The following TCF4 variants were observed in gnomAD, a reference collection of about 807,000 sequenced individuals.
TCF4 encodes the protein SL3-3 enhancer factor 2.
In TCF4, 3 loss-of-function variants were observed where a neutral mutation model predicts 82.1. The observed-to-expected ratio is 0.04, with a 90% CI of 0.02 to 0.09. The LOEUF (loss-of-function observed/expected upper bound fraction) is 0.09, where lower values mean the gene tolerates loss of function less well. Ranked by LOEUF, TCF4 falls within the 10% of genes least tolerant of loss-of-function variation. TCF4 has a pLI of 1.00. For synonymous variants in TCF4, 276 were observed against 309.6 expected, an observed-to-expected ratio of 0.89 and a Z score of 1.14; for missense variants, 518 against 852.7, an observed-to-expected ratio of 0.61 and a Z score of 4.89.
chr18:55,598,867 G>C (rs1397971874), intron 2 of TCF4, among the ~76,000 whole-genome samples: 1 of 152,158 alleles, frequency 6.6e-6, no homozygotes, highest in African/African-American at 2.4e-5. Context: ...TTTATGTCAG[G>C]CTAACTCCCT....
At chr18:55,323,040 T>C (rs1317443435) in intron 8 of TCF4, among the ~76,000 whole-genome samples, 1 of 152,224 alleles carries the variant, frequency 6.6e-6, no homozygotes, top group African/African-American at 2.4e-5. Context: ...AGAATCCTTA[T>C]AGATGGCAAG....
At chr18:55,401,639 C>A (rs1569380526) in intron 6 of TCF4, 2 of 989,162 alleles carry the variant, frequency 2.0e-6, no homozygotes, top group Non-Finnish European at 2.4e-6. Flanking sequence ...GTATTCCCCA[C>A]AAACGGAGAA....
intron 14 of TCF4, 152 bp downstream of exon 14, chr18:55,257,163 G>A (rs2057043395): frequency 2.6e-6 from 2 of 761,134 alleles, no homozygotes; most frequent in Non-Finnish European, 4.5e-6. Flanking sequence ...GCAAGCATAG[G>A]CTAATGACTC....
chr18:55,395,211 C>T (rs1417514787), intron 6 of TCF4, among the ~76,000 whole-genome samples: 1 of 152,196 alleles, frequency 6.6e-6, no homozygotes, highest in Non-Finnish European at 1.5e-5. Flanking sequence ...CTGATCTCTA[C>T]ATGATATGTA....
At chr18:55,435,998 T>G (rs1351714007) in intron 5 of TCF4, among the ~76,000 whole-genome samples, 1 of 152,168 alleles carries the variant, frequency 6.6e-6, no homozygotes, top group African/African-American at 2.4e-5. Context: ...ATCTGAGGAA[T>G]AGACTTAATG....
chr18:55,626,357 C>G (rs2097726522), intron 2 of TCF4, among the ~76,000 whole-genome samples: 1 of 152,086 alleles, frequency 6.6e-6, no homozygotes, highest in Non-Finnish European at 1.5e-5. Flanking sequence ...TATCTAGAAA[C>G]AATCTCGCCT....
chr18:55,250,530 T>C (rs763723413), intron 15 of TCF4, among the ~76,000 whole-genome samples: 6 of 152,226 alleles, frequency 3.9e-5, no homozygotes, highest in Non-Finnish European at 8.8e-5. Flanking sequence ...TGCTTGAGTT[T>C]AAATCCCGCT....
In TCF4 at chr18:55,602,673, C is replaced by T. The variant is rs9952556; in HGVS notation, c.287-15537G>A. On this transcript the variant is annotated intron_variant, in intron 2 of 20. Transcript: ENST00000398339. ...CAATAATTGAGAACACACACACATG[C>T]TAATCAATCATTTACTCCTGCTTCC... 8.2e-3 allele frequency among the ~76,000 whole-genome samples: 1,248 copies of T among 152,264 alleles called. 23 individuals carry two copies. Among genetic ancestry groups the T allele is most frequent in the African/African-American group, 0.029 (1,198 of 41,538 alleles).
At chr18:55,473,339 T>C (rs530102019) in intron 3 of TCF4, among the ~76,000 whole-genome samples, 2 of 152,328 alleles carry the variant, frequency 1.3e-5, no homozygotes, top group South Asian at 4.1e-4. Flanking sequence ...TTCTTTCCTC[T>C]TGCTTTCTCC....
chr18:55,635,562 G>C, intron 1 of TCF4: 3 of 1,051,570 alleles, frequency 2.9e-6, no homozygotes, highest in East Asian at 5.7e-5. Context: ...CAAGAGGGCA[G>C]GCCAAGTGCT....
chr18:55,375,360 GA>G (rs1407054037), intron 6 of TCF4, among the ~76,000 whole-genome samples: 2 of 151,940 alleles, frequency 1.3e-5, no homozygotes, highest in Non-Finnish European at 2.9e-5. Context: ...TCTTTAGTTT[GA>G]ACACACACAT....
chr18:55,481,366 A>G (rs1329808119), intron 3 of TCF4, among the ~76,000 whole-genome samples: 1 of 152,218 alleles, frequency 6.6e-6, no homozygotes, highest in Non-Finnish European at 1.5e-5. Flanking sequence ...AATGAAAACA[A>G]TCATTCATTG....
chr18:55,354,200 T>A (rs1228478543), intron 6 of TCF4, among the ~76,000 whole-genome samples: 1 of 152,182 alleles, frequency 6.6e-6, no homozygotes, highest in Non-Finnish European at 1.5e-5. Flanking sequence ...ACACACTGAC[T>A]TTATCAACCA....
At chr18:55,346,477 A>C (rs1275910668) in intron 8 of TCF4, among the ~76,000 whole-genome samples, 1 of 152,196 alleles carries the variant, frequency 6.6e-6, no homozygotes, top group Non-Finnish European at 1.5e-5. Flanking sequence ...CTGTACTTTA[A>C]CGTAGAAAAA....
At chr18:55,250,821 CAT>C (rs2054830975) in intron 15 of TCF4, among the ~76,000 whole-genome samples, 1 of 152,148 alleles carries the variant, frequency 6.6e-6, no homozygotes, top group African/African-American at 2.4e-5. Context: ...AAGGCAGAGT[CAT>C]ATCTATAAAA....
chr18:55,630,063 T>G (rs1300313808), intron 2 of TCF4, among the ~76,000 whole-genome samples: 2 of 152,190 alleles, frequency 1.3e-5, no homozygotes, highest in Non-Finnish European at 2.9e-5. Flanking sequence ...TAAACCATTT[T>G]GAGCACCATC....
At chr18:55,356,165 C>A (rs962612403) in intron 6 of TCF4, among the ~76,000 whole-genome samples, 2 of 152,110 alleles carry the variant, frequency 1.3e-5, no homozygotes, top group East Asian at 3.9e-4. Context: ...ACAAAACAGT[C>A]CCATATTACA....
At chr18:55,451,722 T>C (rs1406187801) in intron 5 of TCF4, among the ~76,000 whole-genome samples, 2 of 152,162 alleles carry the variant, frequency 1.3e-5, no homozygotes, top group East Asian at 3.9e-4. Flanking sequence ...AAACACAAAG[T>C]GTTTAATCGC....
chr18:55,546,942 G>C (rs1228760431), intron 3 of TCF4: 1 of 152,218 alleles, frequency 6.6e-6, no homozygotes, highest in East Asian at 1.9e-4. Flanking sequence ...GAGAAAAATG[G>C]AGAAAAAGAA....
Sources: gnomAD v4.1 joint callset for allele counts (sites outside exome capture counted in the v4.1 genomes callset) on GRCh38, gnomAD v4.1.1 for gene constraint, MANE v1.5 for transcripts, NCBI Gene and HGNC (gene_info 2026-07-23, HGNC 2026-07-21) for gene names.